ALDH16A1: variants seen among roughly 807,000 people sequenced by gnomAD.
ALDH16A1 encodes the protein aldehyde dehydrogenase family 16 member A1.
ALDH16A1 carries 88 observed loss-of-function variants against 96.1 expected under a neutral mutation model. The ratio of observed to expected loss-of-function variants is 0.92; its 90% CI spans 0.77 to 1.09. ALDH16A1 has a LOEUF of 1.09. Ranked by LOEUF, ALDH16A1 falls within the 50% of genes least tolerant of loss-of-function variation. The pLI is 0.00. For synonymous variants in ALDH16A1, 522 were observed against 496.4 expected, an observed-to-expected ratio of 1.05 and a Z score of -0.69; for missense variants, 1,250 against 1,112.6, an observed-to-expected ratio of 1.12 and a Z score of -1.76.
At chr19:49,453,806 C>A (rs974453647) in intron 1 of ALDH16A1, among the ~76,000 whole-genome samples, 34 of 152,136 alleles carry the variant, frequency 2.2e-4, no homozygotes, top group African/African-American at 8.2e-4. Context: ...TGTCTTTCCA[C>A]GACTCTTCAA....
Position 49,460,906 on chromosome 19 carries a change from G to A in ALDH16A1, c.577+7G>A, listed in dbSNP as rs1471030477. 1.1e-5 allele frequency: 18 copies of A among 1,612,342 alleles called. No individual in the cohort carries two copies. Among genetic ancestry groups the A allele is most frequent in the African/African-American group, 5.3e-5 (4 of 74,886 alleles). The stretch of plus-strand genomic sequence containing the variant: ...TGCCCTGCCCTGGCTGTGGGTAAAT[G>A]ATGGCCTGGGGGGTCCTGACTCTTG... On this transcript the variant is annotated splice_region_variant and intron_variant, in intron 5 of 16. Transcript: ENST00000293350.
chr19:49,455,184 G>A (rs551952046), intron 1 of ALDH16A1, among the ~76,000 whole-genome samples: 5 of 151,260 alleles, frequency 3.3e-5, no homozygotes, highest in Admixed American at 6.6e-5. Context: ...TTGGGAGGCC[G>A]AGGCGGGCGG....
At chr19:49,464,871 T>G in intron 12 of ALDH16A1, 109 bp downstream of exon 12, 4 of 1,526,132 alleles carry the variant, frequency 2.6e-6, no homozygotes, top group African/African-American at 1.4e-5. Context: ...AAACCATCTC[T>G]TAGTCCTGCT....
Position 49,459,706 on chromosome 19 carries a change from G to A in ALDH16A1, c.357G>A (p.Leu119=). ...TGATCCAGAAGCACCAGCGGCTGCT[G>A]TGGACCCTGGAATCCCTGGTGACTG... is the stretch of plus-strand genomic sequence containing the variant. ...AEVIQKHQRL[L]WTLESLVTGR... is the part of the protein sequence containing the mutation. Residue 119 remains leucine, a synonymous_variant, in exon 4 of 17, where the codon CTG becomes CTA. Transcript: ENST00000293350. The surrounding 1 kb of genome is among the most constrained non-coding windows in gnomAD (Gnocchi z 4.1). The A allele has an allele frequency of 2.5e-6, 4 of 1,612,552 alleles. No homozygotes were observed. Among genetic ancestry groups the A allele is most frequent in the Non-Finnish European group, 3.4e-6 (4 of 1,179,508 alleles).
At chr19:49,467,622 C>G (rs1372146379) in intron 14 of ALDH16A1, among the ~76,000 whole-genome samples, 2 of 148,902 alleles carry the variant, frequency 1.3e-5, no homozygotes, top group Admixed American at 6.7e-5. Flanking sequence ...TCTCGATCTC[C>G]TGACCTCGTG....
Position 49,464,529 on chromosome 19 carries a change from ACATCCCCTCCCCGT to A in ALDH16A1, c.1437+10_1437+23del. The A allele has an allele frequency of 6.2e-7, 1 of 1,613,556 alleles. No homozygotes were observed. ...CTGGCACGGGGGCCCAGACGTGAGTACATCCCCTCCCCGTCACCAGCCCCCCCGCCGCCCCATGC... is the reference window on the plus strand; with the variant it reads ...CTGGCACGGGGGCCCAGACGTGAGTACACCAGCCCCCCCGCCGCCCCATGC... On this transcript the variant is annotated splice_region_variant and intron_variant, in intron 11 of 16. Coordinates refer to ENST00000293350, the MANE Select transcript of ALDH16A1 (RefSeq NM_153329.4).
chr19:49,461,397 GA>G (rs369104556), intron 5 of ALDH16A1, among the ~76,000 whole-genome samples: 25 of 120,792 alleles, frequency 2.1e-4, no homozygotes, highest in African/African-American at 4.1e-4. Flanking sequence ...GGAGGGGCTG[GA>G]GTCTGGACTC....
At chr19:49,456,249 G>A (rs2079104253) in intron 1 of ALDH16A1, among the ~76,000 whole-genome samples, 1 of 152,024 alleles carries the variant, frequency 6.6e-6, no homozygotes, top group South Asian at 2.1e-4. Context: ...ATTTTCTTTG[G>A]AGTAATTTAA....
At position 49,453,234 on chromosome 19, in the gene ALDH16A1, C is replaced by A; in HGVS notation, c.-98C>A. ...CCACCCCATTCCCATTAGCCCCGCC[C>A]CTTTGGGCTGGAACCGGAGGTGTCG... On this transcript the variant is annotated 5_prime_UTR_variant, in exon 1 of 17. Transcript: ENST00000293350. 3 of 1,101,776 alleles carry A rather than the reference C, an allele frequency of 2.7e-6. No individual in the cohort carries two copies. The highest frequency in any genetic ancestry group is 3.8e-6 in the Non-Finnish European group (3 of 785,686). The allele number at this position is 1,101,776 out of a possible 1,614,324, so 68.2% of individuals were successfully genotyped here. A position where few individuals can be genotyped will look rare whatever the true frequency, so the allele number is the denominator to read the frequency against.
At chr19:49,467,396 CTT>C (rs111994857) in intron 14 of ALDH16A1, among the ~76,000 whole-genome samples, 128 of 131,120 alleles carry the variant, frequency 9.8e-4, no homozygotes, top group African/African-American at 1.3e-3. Flanking sequence ...TTCTTTCTTT[CTT>C]TTTTTTTTTT....
chr19:49,453,620 C>G (rs2079086242), intron 1 of ALDH16A1, 199 bp downstream of exon 1: 4 of 538,434 alleles, frequency 7.4e-6, no homozygotes, highest in East Asian at 5.8e-5. Flanking sequence ...TTAGTCTGTT[C>G]CGGTCTTCCC....
At position 49,466,276 on chromosome 19, in the gene ALDH16A1, C is replaced by A; in HGVS notation, c.1931C>A (p.Thr644Asn). The A allele has an allele frequency of 6.9e-7, 1 of 1,453,558 alleles. No individual in the cohort carries two copies. Among genetic ancestry groups the A allele is most frequent in the Non-Finnish European group, 9.1e-7 (1 of 1,103,014 alleles). 90.0% of individuals were successfully genotyped at this position (1,453,558 alleles called of 1,614,324 possible). ...GCCCGGGTGCAGGCCCAAGGCCACACCCTGCAGGTGAAGGGTCTGTGGGCA... is the reference window on the plus strand; with the variant it reads ...GCCCGGGTGCAGGCCCAAGGCCACAACCTGCAGGTGAAGGGTCTGTGGGCA... ...WGARVQAQGH[T>N]LQVAGLRGPV... Residue 644 changes from threonine to asparagine, a missense_variant, in exon 14 of 17, where the codon ACC (threonine) becomes AAC (asparagine). Thr to Asn is a moderately conservative substitution (Grantham distance 65). Coordinates refer to ENST00000293350, the MANE Select transcript of ALDH16A1 (RefSeq NM_153329.4).
At position 49,460,918 on chromosome 19, in the gene ALDH16A1, G is replaced by A. The variant is rs2079136442; in HGVS notation, c.577+19G>A. ...GCTGTGGGTAAATGATGGCCTGGGGGGTCCTGACTCTTGGGTCTGAGAAAG... is the reference window on the plus strand; with the variant it reads ...GCTGTGGGTAAATGATGGCCTGGGGAGTCCTGACTCTTGGGTCTGAGAAAG... On this transcript the variant is annotated intron_variant, in intron 5 of 16. Coordinates refer to ENST00000293350, the MANE Select transcript of ALDH16A1 (RefSeq NM_153329.4). 2 of 1,609,212 alleles carry A rather than the reference G, an allele frequency of 1.2e-6. No homozygotes were observed. The highest frequency in any genetic ancestry group is 1.1e-5 in the South Asian group (1 of 90,946).
At chr19:49,460,944 G>A (rs2079136526) in intron 5 of ALDH16A1, 45 bp downstream of exon 5, 1 of 1,589,566 alleles carries the variant, frequency 6.3e-7, no homozygotes, top group Non-Finnish European at 8.6e-7. Flanking sequence ...TCTGAGAAAG[G>A]AGGGGATCGT....
chr19:49,465,231 C>G (rs1476082674), intron 12 of ALDH16A1, among the ~76,000 whole-genome samples: 1 of 147,732 alleles, frequency 6.8e-6, no homozygotes, highest in Non-Finnish European at 1.5e-5. Flanking sequence ...AACTTAGGGT[C>G]CTCCAGAGGC....
At chr19:49,465,274 C>T (rs1175189063) in intron 12 of ALDH16A1, among the ~76,000 whole-genome samples, 4 of 145,648 alleles carry the variant, frequency 2.7e-5, no homozygotes, top group Non-Finnish European at 6.0e-5. Context: ...TCCTCCGGGG[C>T]TCATGGGAAC....
At position 49,459,210 on chromosome 19, in the gene ALDH16A1, A is replaced by C. The variant is rs2079123404; in HGVS notation, c.320+124A>C. 7 of 1,448,790 alleles carry C rather than the reference A, an allele frequency of 4.8e-6. No homozygotes were observed. In the Admixed American group the frequency reaches 1.3e-4, roughly 27 times the overall value. 89.7% of individuals were successfully genotyped at this position (1,448,790 alleles called of 1,614,324 possible). ...ATTTGCAGCTAAGGCTCAGATTCCC[A>C]GTATGTGCTGGAGGCAGTCGTGGCT... On this transcript the variant is annotated intron_variant, in intron 3 of 16. Coordinates refer to ENST00000293350, the MANE Select transcript of ALDH16A1 (RefSeq NM_153329.4). This position sits in a 1 kb window ranked among gnomAD's most constrained non-coding sequence, Gnocchi z 4.1.
At chr19:49,461,163 C>G (rs1310705735) in intron 5 of ALDH16A1, among the ~76,000 whole-genome samples, 7 of 131,366 alleles carry the variant, frequency 5.3e-5, no homozygotes, top group Non-Finnish European at 7.8e-5. Flanking sequence ...ACTCCTGGGT[C>G]TGAGGGAGGA....
rs996703082 is a variant in ALDH16A1, at chr19:49,466,259, G to A, written c.1914G>A (p.Val638=). The change falls in exon 14 of 17, where the codon GTG becomes GTA. Residue 638 remains valine (V), a synonymous_variant. Coordinates refer to ENST00000293350, the MANE Select transcript of ALDH16A1 (RefSeq NM_153329.4). ...ARRLRAWGAR[V]QAQGHTLQVA... ...GACTTCGGGCGTGGGGGGCCCGGGTGCAGGCCCAAGGCCACACCCTGCAGG... is the reference window on the plus strand; with the variant it reads ...GACTTCGGGCGTGGGGGGCCCGGGTACAGGCCCAAGGCCACACCCTGCAGG... The A allele has an allele frequency of 6.1e-6, 9 of 1,472,126 alleles. No individual in the cohort carries two copies. The highest frequency in any genetic ancestry group is 1.4e-5 in the African/African-American group (1 of 71,284). The allele number at this position is 1,472,126 out of a possible 1,614,324, so 91.2% of individuals were successfully genotyped here.
Sources: gnomAD v4.1 joint callset for allele counts (sites outside exome capture counted in the v4.1 genomes callset) on GRCh38, gnomAD v4.1.1 for gene constraint, Gnocchi (gnomAD v3.1) non-coding constraint, MANE v1.5 for transcripts, NCBI Gene and HGNC (gene_info 2026-07-23, HGNC 2026-07-21) for gene names.